The following ZFHX2 variants were observed in gnomAD, a reference collection of about 807,000 sequenced individuals.
ZFHX2 encodes zinc finger homeobox protein 2.
A neutral mutation model predicts 164.8 loss-of-function variants in ZFHX2; 75 were observed. That is an observed-to-expected ratio of 0.46 (90% CI 0.38 to 0.55). The LOEUF is 0.55. Among genes scored for constraint, ZFHX2 ranks in the 20% least tolerant of loss-of-function variants. The pLI is 0.00. For synonymous variants in ZFHX2, 1,217 were observed against 1,351.4 expected, an observed-to-expected ratio of 0.90 and a Z score of 2.18; for missense variants, 2,933 against 3,308.0, an observed-to-expected ratio of 0.89 and a Z score of 2.78.
rs536181941 is a variant in ZFHX2, at chr14:23,522,617, C to T, written c.7064G>A (p.Gly2355Glu). Residue 2355 changes from glycine to glutamate, a missense_variant, in exon 10 of 10, where the codon GGA (glycine) becomes GAA (glutamate). Physicochemically the swap from Gly to Glu is moderately conservative, Grantham distance 98. Coordinates refer to ENST00000419474, the MANE Select transcript of ZFHX2 (RefSeq NM_033400.3). Reference protein sequence around the residue: ...FLPFPLPPAGGTAPPAVFGPQ... With the variant: ...FLPFPLPPAGETAPPAVFGPQ... ...GCCAAAGACAGCTGGCGGTGCTGTT[C>T]CCCCAGCAGGGGGCAATGGAAAGGG... is the stretch of plus-strand genomic sequence containing the variant. The T allele has an allele frequency of 2.7e-5, 41 of 1,532,418 alleles. 1 individual carries two copies. In the South Asian group the frequency reaches 4.8e-4, roughly 18 times the overall value. The allele number at this position is 1,532,418 out of a possible 1,614,324, so 94.9% of individuals were successfully genotyped here.
chr14:23,527,899 TCC>T, intron 6 of ZFHX2, 95 bp from the exon 7 acceptor site: 1 of 550,806 alleles, frequency 1.8e-6, no homozygotes, highest in Non-Finnish European at 3.0e-6. Context: ...CCGCCCCCAC[TCC>T]TTTTTTTTTT....
Position 23,535,792 on chromosome 14 carries a change from G to C in ZFHX2, c.-49-418C>G, listed in dbSNP as rs150308245. Among the ~76,000 whole-genome samples, 1 of 151,752 alleles carries C rather than the reference G, an allele frequency of 6.6e-6. No homozygotes were observed. Among genetic ancestry groups the C allele is most frequent in the Admixed American group, 6.6e-5 (1 of 15,254 alleles). Reference sequence around the variant, plus strand: ...TTTTTAGTAGAGACGGGGTTTCTCCGTGTTGGTCAGGCTGGTCTCTAACTC... The same window carrying C: ...TTTTTAGTAGAGACGGGGTTTCTCCCTGTTGGTCAGGCTGGTCTCTAACTC... On this transcript the variant is annotated intron_variant, in intron 1 of 9. Transcript: ENST00000419474. The surrounding 1 kb of genome is among the most constrained non-coding windows in gnomAD (Gnocchi z 4.5).
In ZFHX2 at chr14:23,533,638, G is replaced by A; in HGVS notation, c.1688C>T (p.Pro563Leu). Residue 563 changes from proline (P) to leucine (L), a missense_variant, in exon 2 of 10, where the codon CCT (proline) becomes CTT (leucine). Transcript: ENST00000419474. This position sits in a 1 kb window ranked among gnomAD's most constrained non-coding sequence, Gnocchi z 4.8. ...GCACTGCCAGGATGATTTGGTCTTAGGCTCTTTGTCTCCCGCGGAGGGTGG... is the reference window on the plus strand; with the variant it reads ...GCACTGCCAGGATGATTTGGTCTTAAGCTCTTTGTCTCCCGCGGAGGGTGG... ...SLPPSAGDKE[P>L]KTKSSWQCKV... The A allele has an allele frequency of 2.0e-6, 3 of 1,536,970 alleles. No homozygotes were observed. Among genetic ancestry groups the A allele is most frequent in the Non-Finnish European group, 2.6e-6 (3 of 1,147,070 alleles).
chr14:23,540,187 C>T (rs976186164), intron 1 of ZFHX2, among the ~76,000 whole-genome samples: 43 of 152,210 alleles, frequency 2.8e-4, no homozygotes, highest in African/African-American at 9.6e-4. Context: ...GACAAGGTTT[C>T]GCCATGTTGC....
chr14:23,533,084 G>T lies in ZFHX2; in HGVS notation c.2042C>A (p.Ala681Asp). Residue 681 changes from alanine to aspartate, a missense_variant and splice_region_variant, in exon 3 of 10, where the codon GCC (alanine) becomes GAC (aspartate). By Grantham distance (126) the Ala-to-Asp change is moderately radical. Transcript: ENST00000419474. This position sits in a 1 kb window ranked among gnomAD's most constrained non-coding sequence, Gnocchi z 4.8. ...GAPARKFPTS[A>D]PGSLSPDAHL... The stretch of plus-strand genomic sequence containing the variant: ...GGCATCAGGGGATAGGCTTCCAGGG[G>T]CTAGAGGACAGAGACAGATTAGTGG... 1.3e-6 allele frequency: 2 copies of T among 1,521,978 alleles called. No individual in the cohort carries two copies. Among genetic ancestry groups the T allele is most frequent in the Non-Finnish European group, 1.8e-6 (2 of 1,138,892 alleles). The allele number at this position is 1,521,978 out of a possible 1,614,324, so 94.3% of individuals were successfully genotyped here.
rs1366409344 is a variant in ZFHX2, at chr14:23,525,481, T to C, written c.4461A>G (p.Lys1487=). The C allele has an allele frequency of 1.3e-6, 2 of 1,535,156 alleles. No individual in the cohort carries two copies. The highest frequency in any genetic ancestry group is 2.4e-5 in the South Asian group (2 of 84,024). ...TGAGGATAAGCATATTGGAGAAGAG[T>C]TTCCCACAGGCCCCACAGGCCAGCT... ...GDKLACGACG[K]LFSNMLILKT... is the part of the protein sequence containing the mutation. Residue 1487 remains lysine (K), a synonymous_variant, in exon 9 of 10, where the codon AAA becomes AAG. Coordinates refer to ENST00000419474, the MANE Select transcript of ZFHX2 (RefSeq NM_033400.3). The surrounding 1 kb of genome is among the most constrained non-coding windows in gnomAD (Gnocchi z 5.9).
rs1448351900 is a variant in ZFHX2 at position 23,525,091 on chromosome 14, G to A, written c.4851C>T (p.Ser1617=). The A allele has an allele frequency of 1.0e-5, 16 of 1,536,162 alleles. No homozygotes were observed. The highest frequency in any genetic ancestry group is 2.7e-5 in the African/African-American group (2 of 73,156). Residue 1617 remains serine, a synonymous_variant, in exon 9 of 10, where the codon AGC becomes AGT. Coordinates refer to ENST00000419474, the MANE Select transcript of ZFHX2 (RefSeq NM_033400.3). The surrounding 1 kb of genome is among the most constrained non-coding windows in gnomAD (Gnocchi z 5.9). ...CCACCTCTCCGTCTTTGGGGTAGGC[G>A]CTAGTCTCAAAGAAAGACTGCAGGG... is the stretch of plus-strand genomic sequence containing the variant. ...TQALQSFFET[S]AYPKDGEVER...
In ZFHX2 at chr14:23,533,261, G is replaced by C; in HGVS notation, c.2041+24C>G. ...GAGTTTGGCCCTGGGGAGGAGAGAA[G>C]AGGGAAGAAGCACAGAAGCTTACCG... On this transcript the variant is annotated intron_variant, in intron 2 of 9. Coordinates refer to ENST00000419474, the MANE Select transcript of ZFHX2 (RefSeq NM_033400.3). The surrounding 1 kb of genome is among the most constrained non-coding windows in gnomAD (Gnocchi z 4.8). 1 of 1,435,930 alleles carries C rather than the reference G, an allele frequency of 7.0e-7. No individual in the cohort carries two copies. The highest frequency in any genetic ancestry group is 1.5e-5 in the South Asian group (1 of 67,104). The allele number at this position is 1,435,930 out of a possible 1,614,324, so 88.9% of individuals were successfully genotyped here. A position where few individuals can be genotyped will look rare whatever the true frequency, so the allele number is the denominator to read the frequency against.
At chr14:23,538,099 T>C (rs1303761673) in intron 1 of ZFHX2, 1 of 152,278 alleles carries the variant, frequency 6.6e-6, no homozygotes, top group Non-Finnish European at 1.5e-5. Context: ...CTCAAAAACA[T>C]CTATTTCCTA....
chr14:23,529,992 CT>C lies in ZFHX2; in HGVS notation c.2875+127del, dbSNP rs556784079. ...TCTCGTGGCTCAGCCTCCCTTCCCC[CT>C]GATGAGCCCTTTCTTTAATCAGTTT... On this transcript the variant is annotated intron_variant, in intron 5 of 9. Transcript: ENST00000419474. 484 of 1,080,638 alleles carry C rather than the reference CT, an allele frequency of 4.5e-4. 5 individuals are homozygous for C. In the South Asian group the frequency reaches 6.2e-3, roughly 14 times the overall value. The allele number at this position is 1,080,638 out of a possible 1,614,324, so 66.9% of individuals were successfully genotyped here.
At position 23,525,212 on chromosome 14, in the gene ZFHX2, A is replaced by G. The variant is rs1462873474; in HGVS notation, c.4730T>C (p.Ile1577Thr). The change falls in exon 9 of 10, where the codon ATA becomes ACA. Residue 1577 changes from isoleucine (I) to threonine (T), a missense_variant. Coordinates refer to ENST00000419474, the MANE Select transcript of ZFHX2 (RefSeq NM_033400.3). The surrounding 1 kb of genome is among the most constrained non-coding windows in gnomAD (Gnocchi z 5.9). ...ERSRAGGHWPIEEEESSRGNL... is the reference protein window; with the variant it reads ...ERSRAGGHWPTEEEESSRGNL... ...CCCTCTGGAGCTTTCTTCCTCTTCT[A>G]TGGGCCAGTGTCCCCCTGCTCGACT... 16 of 1,535,976 alleles carry G rather than the reference A, an allele frequency of 1.0e-5. No individual in the cohort carries two copies. Among genetic ancestry groups the G allele is most frequent in the African/African-American group, 1.4e-5 (1 of 73,018 alleles).
chr14:23,524,346 G>A lies in ZFHX2; in HGVS notation c.5596C>T (p.Pro1866Ser), dbSNP rs1364123593. 1.3e-6 allele frequency: 2 copies of A among 1,536,304 alleles called. No homozygotes were observed. The highest frequency in any genetic ancestry group is 2.4e-5 in the East Asian group (1 of 40,914). ...CGGTACAGGATCTCTAGCTGCTCAG[G>A]CAAGATGGTGGTGCGCAGGCGCTTG... The part of the protein sequence containing the change: ...RDKRLRTTIL[P>S]EQLEILYRWY... Residue 1866 changes from proline (P) to serine (S), a missense_variant, in exon 9 of 10, where the codon CCT becomes TCT. Transcript: ENST00000419474. This position sits in a 1 kb window ranked among gnomAD's most constrained non-coding sequence, Gnocchi z 5.6.
Position 23,527,723 on chromosome 14 carries a change from G to A in ZFHX2, c.3016C>T (p.Gln1006Ter). The A allele has an allele frequency of 6.5e-7, 1 of 1,536,168 alleles. No homozygotes were observed. The highest frequency in any genetic ancestry group is 1.7e-4 in the Middle Eastern group (1 of 5,990). Residue 1006 changes from glutamine (Q) to a stop codon, truncating the protein, a stop_gained, in exon 7 of 10, where the codon CAG becomes TAG. Coordinates refer to ENST00000419474, the MANE Select transcript of ZFHX2 (RefSeq NM_033400.3). LOFTEE classifies it high-confidence loss of function. The part of the protein sequence containing the change: ...RAHTLSQHAV[Q>*]PKYRCPLCQE... The stretch of plus-strand genomic sequence containing the variant: ...CACAGTGGGCATCTGTACTTGGGCT[G>A]CACTGCATGCTGGGAGAGTGTATGA...
At position 23,526,899 on chromosome 14, in the gene ZFHX2, T is replaced by A; in HGVS notation, c.3210A>T (p.Gln1070His). The change falls in exon 8 of 10, where the codon CAA (glutamine) becomes CAT (histidine). Residue 1070 changes from glutamine to histidine, a missense_variant. Coordinates refer to ENST00000419474, the MANE Select transcript of ZFHX2 (RefSeq NM_033400.3). ...APTLSPLDNG[Q>H]EPPTHGPEPT... ...GCTCTGGCCCATGAGTGGGGGGTTC[T>A]TGGCCATTGTCCAGAGGGCTTAATG... 6.5e-7 allele frequency: 1 copy of A among 1,534,740 alleles called. No individual in the cohort carries two copies. Among genetic ancestry groups the A allele is most frequent in the South Asian group, 1.2e-5 (1 of 83,818 alleles).
Position 23,522,821 on chromosome 14 carries a change from T to C in ZFHX2, c.6860A>G (p.Asn2287Ser), listed in dbSNP as rs1878194179. The C allele has an allele frequency of 6.5e-7, 1 of 1,535,382 alleles. No homozygotes were observed. The highest frequency in any genetic ancestry group is 1.4e-5 in the African/African-American group (1 of 72,998). ...LPQRPMPDQT[N>S]TSTAGTTDPV... Reference sequence around the variant, plus strand: ...GTCAGTGGTGCCTGCTGTGGAGGTGTTGGTTTGGTCGGGCATGGGTCTCTG... The same window carrying C: ...GTCAGTGGTGCCTGCTGTGGAGGTGCTGGTTTGGTCGGGCATGGGTCTCTG... Residue 2287 changes from asparagine (N) to serine (S), a missense_variant, in exon 10 of 10, where the codon AAC becomes AGC. Transcript: ENST00000419474.
At chr14:23,527,124 C>T (rs976200500) in intron 7 of ZFHX2, among the ~76,000 whole-genome samples, 151 bp from the exon 8 acceptor site, 1 of 152,210 alleles carries the variant, frequency 6.6e-6, no homozygotes, top group Non-Finnish European at 1.5e-5. Context: ...CTAATTGCTG[C>T]TTTTGCTACA....
At position 23,534,858 on chromosome 14, in the gene ZFHX2, G is replaced by C. The variant is rs1218515657; in HGVS notation, c.468C>G (p.Pro156=). 6.5e-7 allele frequency: 1 copy of C among 1,536,144 alleles called. No homozygotes were observed. The highest frequency in any genetic ancestry group is 8.7e-7 in the Non-Finnish European group (1 of 1,146,886). ...GTGAGGGGGGTGGGTAGGCAAGGAA[G>C]GGCAGACTGGGCTCTTCCTTGATGC... ...EAGIKEEPSL[P]FLAYPPPSHL... The change falls in exon 2 of 10, where the codon CCC becomes CCG. Residue 156 remains proline, a synonymous_variant. Coordinates refer to ENST00000419474, the MANE Select transcript of ZFHX2 (RefSeq NM_033400.3). This position sits in a 1 kb window ranked among gnomAD's most constrained non-coding sequence, Gnocchi z 4.5.
intron 4 of ZFHX2, chr14:23,530,799 C>T: frequency 3.8e-6 from 1 of 264,958 alleles, no homozygotes; most frequent in Non-Finnish European, 7.3e-6. Flanking sequence ...TAGCACCAGT[C>T]AATGCTGCGT....
Position 23,526,603 on chromosome 14 carries a change from G to C in ZFHX2, c.3339C>G (p.Asp1113Glu), listed in dbSNP as rs1413262732. The C allele has an allele frequency of 1.3e-6, 2 of 1,535,916 alleles. No individual in the cohort carries two copies. Among genetic ancestry groups the C allele is most frequent in the Admixed American group, 3.9e-5 (2 of 50,952 alleles). ...GTTGGCCAGGGCTTCCTGAGGGTTT[G>C]TCTGGGACCTCAACTGAGGCCAGGG... ...EPPLASVEVP[D>E]KPSGSPGQPP... The change falls in exon 9 of 10, where the codon GAC becomes GAG. Residue 1113 changes from aspartate to glutamate, a missense_variant. Asp to Glu is a conservative substitution (Grantham distance 45, BLOSUM62 2). Transcript: ENST00000419474.
Sources: allele counts gnomAD v4.1 joint callset (sites outside exome capture counted in the v4.1 genomes callset), GRCh38; gene constraint gnomAD v4.1.1; non-coding constraint Gnocchi (gnomAD v3.1); transcripts MANE v1.5; gene names NCBI Gene and HGNC (gene_info 2026-07-23, HGNC 2026-07-21).